The following HYDIN variants were observed in gnomAD, a reference collection of about 807,000 sequenced individuals.
HYDIN encodes the protein axonemal central pair apparatus protein HYDIN.
A neutral mutation model predicts 403.9 loss-of-function variants in HYDIN; 132 were observed. The ratio of observed to expected loss-of-function variants is 0.33; its 90% confidence interval spans 0.28 to 0.38. HYDIN has a LOEUF of 0.38. Among genes scored for constraint, HYDIN ranks in the 10% least tolerant of loss-of-function variants. HYDIN has a pLI of 1.00. For synonymous variants in HYDIN, 1,202 were observed against 1,891.7 expected (o/e 0.64, Z 9.46); for missense variants, 2,827 against 5,009.5 (o/e 0.56, Z 13.15).
intron 53 of HYDIN, among the ~76,000 whole-genome samples, chr16:70,897,912 T>C (rs559422458): frequency 3.3e-5 from 5 of 151,844 alleles, no homozygotes; most frequent in Admixed American, 6.6e-5. Flanking sequence ...CTCACGCCTA[T>C]AATCCCAGCA....
At chr16:71,191,117 A>C (rs867733790) in intron 1 of HYDIN, among the ~76,000 whole-genome samples, 87 of 152,228 alleles carry the variant, frequency 5.7e-4, no homozygotes, top group Non-Finnish European at 2.5e-4. Flanking sequence ...ATGATATAAA[A>C]TAATTACTGC....
chr16:71,187,461 T>C (rs182245246), intron 1 of HYDIN, among the ~76,000 whole-genome samples: 2 of 152,284 alleles, frequency 1.3e-5, no homozygotes, highest in East Asian at 1.9e-4. Context: ...CAAAGAAATA[T>C]GGCATCTCCC....
At chr16:71,030,431 CTTTCTTT>C (rs2080865955) in intron 19 of HYDIN, among the ~76,000 whole-genome samples, 1 of 138,624 alleles carries the variant, frequency 7.2e-6, no homozygotes. Context: ...TTCTTCTTTT[CTTTCTTT>C]TTTTTTTTTT....
intron 1 of HYDIN, among the ~76,000 whole-genome samples, chr16:71,196,674 G>A (rs145728681): frequency 1.4e-4 from 22 of 152,230 alleles, no homozygotes; most frequent in African/African-American, 4.6e-4. Context: ...GTCACAGGAC[G>A]AGATAGAAGG....
intron 72 of HYDIN, among the ~76,000 whole-genome samples, chr16:70,855,760 A>G (rs1182229398): frequency 1.3e-5 from 2 of 152,286 alleles, no homozygotes; most frequent in African/African-American, 4.8e-5. Context: ...CCTCTTGGCT[A>G]TTAGACCATT....
rs539120775 is a variant in HYDIN at position 71,000,257 on chromosome 16, T to C, written c.3645-8047A>G. Among the ~76,000 whole-genome samples, 10 of 151,720 alleles carry C rather than the reference T, an allele frequency of 6.6e-5. No homozygotes were observed. The East Asian group carries it at 1.7e-3, about 27-fold the overall frequency. The stretch of plus-strand genomic sequence containing the variant: ...TCATTAGAAGCTGGCTTAGCTCACA[T>C]TGAATCTCTGGAAGTCTGATGCCCT... On this transcript the variant is annotated intron_variant, in intron 23 of 85. Coordinates refer to ENST00000393567, the MANE Select transcript of HYDIN (RefSeq NM_001270974.2).
At chr16:71,187,117 T>C (rs955335824) in intron 1 of HYDIN, among the ~76,000 whole-genome samples, 199 bp from the exon 2 acceptor site, 8 of 152,138 alleles carry the variant, frequency 5.3e-5, no homozygotes, top group Non-Finnish European at 1.5e-5. Flanking sequence ...ATCTAGAATC[T>C]ATTTTAGACA....
chr16:70,938,709 T>C lies in HYDIN; in HGVS notation c.6900A>G (p.Gln2300=), dbSNP rs764251660. 2 of 1,614,184 alleles carry C rather than the reference T, an allele frequency of 1.2e-6. No homozygotes were observed. The highest frequency in any genetic ancestry group is 3.3e-5 in the Admixed American group (2 of 60,034). The change falls in exon 44 of 86, where the codon CAA becomes CAG. Residue 2300 remains glutamine, a synonymous_variant. Coordinates refer to ENST00000393567, the MANE Select transcript of HYDIN (RefSeq NM_001270974.2). ...GALEKEKERL[Q]NMDEEEYDAL... is the part of the protein sequence containing the mutation. ...CATCATATTCTTCCTCATCCATGTTTTGGAGACGCTCCTTCTCTTTCTCAA... is the reference window on the plus strand; with the variant it reads ...CATCATATTCTTCCTCATCCATGTTCTGGAGACGCTCCTTCTCTTTCTCAA...
At chr16:71,119,951 T>A (rs1209267205) in intron 9 of HYDIN, among the ~76,000 whole-genome samples, 1 of 151,678 alleles carries the variant, frequency 6.6e-6, no homozygotes, top group East Asian at 1.9e-4. Flanking sequence ...AAAAAAACTT[T>A]CTTTCTTTAT....
At chr16:71,162,918 A>C (rs2086063909) in intron 5 of HYDIN, among the ~76,000 whole-genome samples, 188 bp from the exon 6 acceptor site, 1 of 152,270 alleles carries the variant, frequency 6.6e-6, no homozygotes, top group Non-Finnish European at 1.5e-5. Flanking sequence ...AGAGAGAGAG[A>C]GAACAGATCT....
intron 39 of HYDIN, among the ~76,000 whole-genome samples, chr16:70,958,377 C>T (rs1337311793): frequency 6.6e-6 from 1 of 152,204 alleles, no homozygotes; most frequent in Non-Finnish European, 1.5e-5. Flanking sequence ...CTCTAATAGG[C>T]TTTTCACCTG....
Position 70,837,811 on chromosome 16 carries a change from A to G in HYDIN, c.13121T>C (p.Leu4374Ser). The part of the protein sequence containing the change: ...RVDVVKPGNT[L>S]EIPITFYPRE... ...AGGATAAAAAGTTATTGGAATCTCC[A>G]ATGTGTTTCCTGGCTTTACCACATC... The change falls in exon 77 of 86, where the codon TTG becomes TCG. Residue 4374 changes from leucine to serine, a missense_variant. Coordinates refer to ENST00000393567, the MANE Select transcript of HYDIN (RefSeq NM_001270974.2). 1 of 1,613,990 alleles carries G rather than the reference A, an allele frequency of 6.2e-7. No individual in the cohort carries two copies. Among genetic ancestry groups the G allele is most frequent in the Non-Finnish European group, 8.5e-7 (1 of 1,179,856 alleles).
chr16:70,986,160 G>A (rs2079186539), intron 27 of HYDIN, among the ~76,000 whole-genome samples: 1 of 134,264 alleles, frequency 7.4e-6, no homozygotes, highest in Non-Finnish European at 1.6e-5. Flanking sequence ...TCTGGATTCT[G>A]TCCTGTAAGA....
chr16:70,980,492 C>T (rs1299826991), intron 29 of HYDIN, among the ~76,000 whole-genome samples: 2 of 148,338 alleles, frequency 1.3e-5, no homozygotes, highest in African/African-American at 2.5e-5. Context: ...GGTAACAGAG[C>T]GAGACCTTTT....
chr16:71,227,458 C>G (rs976946303), intron 1 of HYDIN, among the ~76,000 whole-genome samples: 6 of 152,116 alleles, frequency 3.9e-5, no homozygotes, highest in African/African-American at 1.4e-4. Flanking sequence ...TAAGCAACTT[C>G]AGCAAAATCT....
Position 70,813,461 on chromosome 16 carries a change from T to C in HYDIN, c.14659-3454A>G, listed in dbSNP as rs1217863773. 6.2e-4 allele frequency among the ~76,000 whole-genome samples: 95 copies of C among 152,106 alleles called. 1 individual carries two copies. The highest frequency in any genetic ancestry group is 4.5e-3 in the East Asian group (23 of 5,166). On this transcript the variant is annotated intron_variant, in intron 84 of 85. Coordinates refer to ENST00000393567, the MANE Select transcript of HYDIN (RefSeq NM_001270974.2). Reference sequence around the variant, plus strand: ...ATCTAGCCCCAGTCATGCTTCGAGATGACTAGCGTCCTGGCTGACAACTTG... The same window carrying C: ...ATCTAGCCCCAGTCATGCTTCGAGACGACTAGCGTCCTGGCTGACAACTTG...
At chr16:70,849,290 C>T (rs2038451008) in intron 75 of HYDIN, among the ~76,000 whole-genome samples, 1 of 151,952 alleles carries the variant, frequency 6.6e-6, no homozygotes, top group Admixed American at 6.6e-5. Flanking sequence ...TTGTTGCAAG[C>T]CTATTATTAA....
At chr16:70,919,329 T>C (rs1340690031) in intron 46 of HYDIN, among the ~76,000 whole-genome samples, 2 of 152,094 alleles carry the variant, frequency 1.3e-5, no homozygotes, top group Non-Finnish European at 2.9e-5. Flanking sequence ...AAAAAAAACA[T>C]TTCCAGGGAA....
At position 70,868,557 on chromosome 16, in the gene HYDIN, T is replaced by A. The variant is rs749678057; in HGVS notation, c.11310+13A>T. 1.1e-5 allele frequency: 17 copies of A among 1,606,576 alleles called. No individual in the cohort carries two copies. Among genetic ancestry groups the A allele is most frequent in the Non-Finnish European group, 1.4e-5 (16 of 1,177,684 alleles). On this transcript the variant is annotated intron_variant, in intron 66 of 85. Coordinates refer to ENST00000393567, the MANE Select transcript of HYDIN (RefSeq NM_001270974.2). ...GAGGCCTGGTCAGATTGGTGCTTGA[T>A]GTCCCCACTTACTTTTCGTTTTGTA...
Sources: allele counts gnomAD v4.1 joint callset (sites outside exome capture counted in the v4.1 genomes callset), GRCh38; gene constraint gnomAD v4.1.1; transcripts MANE v1.5; gene names NCBI Gene and HGNC (gene_info 2026-07-23, HGNC 2026-07-21).